Variants in MCM9 observed in about 807,000 individuals in gnomAD.
MCM9 encodes the protein DNA helicase MCM9.
In MCM9, 55 loss-of-function variants were observed where a neutral mutation model predicts 72.8. That is an observed-to-expected ratio of 0.76 (90% CI 0.61 to 0.95). The LOEUF (loss-of-function observed/expected upper bound fraction) is 0.95, where lower values mean the gene tolerates loss of function less well. MCM9 is among the 40% of genes least tolerant of loss of function. The probability of loss-of-function intolerance (pLI) is 0.00; values close to 1 mark genes in which losing one functional copy is unlikely to be tolerated. For missense variants in MCM9, 1,279 were observed against 1,377.0 expected, an observed-to-expected ratio of 0.93 and a Z score of 1.13; for synonymous variants, 480 against 503.4, an observed-to-expected ratio of 0.95 and a Z score of 0.62.
chr6:118,882,138 G>A (rs930583949), intron 8 of MCM9, among the ~76,000 whole-genome samples: 1 of 152,082 alleles, frequency 6.6e-6, no homozygotes, highest in Admixed American at 6.5e-5. Flanking sequence ...AAGAATCCTC[G>A]GCACCCCAAA....
At chr6:118,875,468 C>G (rs1777875266) in intron 8 of MCM9, among the ~76,000 whole-genome samples, 1 of 151,734 alleles carries the variant, frequency 6.6e-6, no homozygotes, top group South Asian at 2.1e-4. Flanking sequence ...GAGACCCTGT[C>G]TCTACAAAAT....
chr6:118,878,462 TTTTTC>T (rs1411173682), intron 8 of MCM9, among the ~76,000 whole-genome samples: 2 of 152,178 alleles, frequency 1.3e-5, no homozygotes, highest in Admixed American at 6.5e-5. Flanking sequence ...TTTGTAACTT[TTTTTC>T]TTTTATCTGA....
intron 8 of MCM9, among the ~76,000 whole-genome samples, chr6:118,857,433 A>G (rs1418244257): frequency 6.6e-6 from 1 of 152,154 alleles, no homozygotes; most frequent in East Asian, 1.9e-4. Flanking sequence ...CTGTTGAATT[A>G]TAGGCAAGTT....
At chr6:118,826,352 ACTCTAG>A (rs2114541918) in intron 12 of MCM9, 60 bp from the exon 13 acceptor site, 1 of 1,488,342 alleles carries the variant, frequency 6.7e-7, no homozygotes, top group East Asian at 2.5e-5. Flanking sequence ...CGGTAAGTAC[ACTCTAG>A]GGACCAGCAA....
intron 9 of MCM9, among the ~76,000 whole-genome samples, chr6:118,838,596 T>C (rs1012720927): frequency 2.5e-4 from 38 of 152,314 alleles, no homozygotes; most frequent in African/African-American, 9.1e-4. Flanking sequence ...GGCTTTTTTG[T>C]ATTTTTATTA....
At position 118,932,709 on chromosome 6, in the gene MCM9, C is replaced by G; in HGVS notation, c.-118G>C. The G allele has an allele frequency of 3.0e-6, 2 of 673,332 alleles. No homozygotes were observed. The highest frequency in any genetic ancestry group is 3.7e-6 in the Non-Finnish European group (2 of 544,988). 41.7% of individuals were successfully genotyped at this position (673,332 alleles called of 1,614,324 possible). On this transcript the variant is annotated 5_prime_UTR_variant, in exon 2 of 14. Coordinates refer to ENST00000619706, the MANE Select transcript of MCM9 (RefSeq NM_017696.3). ...TTGTTTCCTTCTTTCTCTTTCTTAC[C>G]GTAGGAAATCTACTGGGTTCTGCAG...
At chr6:118,922,690 G>C (rs1488773798) in intron 4 of MCM9, among the ~76,000 whole-genome samples, 1 of 152,204 alleles carries the variant, frequency 6.6e-6, no homozygotes, top group African/African-American at 2.4e-5. Flanking sequence ...TGGAGTTGTA[G>C]CCAGCATCCT....
intron 9 of MCM9, among the ~76,000 whole-genome samples, chr6:118,844,856 CT>C (rs1218029361): frequency 1.3e-5 from 2 of 151,810 alleles, no homozygotes; most frequent in Non-Finnish European, 2.9e-5. Flanking sequence ...GTTTTATCAC[CT>C]GTTCTTTAGT....
rs568462658 is a variant in MCM9, at chr6:118,833,747, G to C, written c.1326-4497C>G. Among the ~76,000 whole-genome samples, 13 of 152,240 alleles carry C rather than the reference G, an allele frequency of 8.5e-5. No homozygotes were observed. The East Asian group carries it at 2.5e-3, about 29-fold the overall frequency. On this transcript the variant is annotated intron_variant, in intron 9 of 13. Transcript: ENST00000619706. ...CTAGAGTAGTCAAATCCATAGAAAC[G>C]GAAAGTAGAATGGTGGTTGCTAGGG...
chr6:118,860,023 T>C (rs988538080), intron 8 of MCM9, among the ~76,000 whole-genome samples: 1 of 152,186 alleles, frequency 6.6e-6, no homozygotes, highest in Non-Finnish European at 1.5e-5. Flanking sequence ...ATCACTGCAA[T>C]ACTAAAGGCA....
chr6:118,917,792 T>C (rs745626273), intron 5 of MCM9, 31 bp from the exon 6 acceptor site: 2 of 1,575,268 alleles, frequency 1.3e-6, no homozygotes, highest in Non-Finnish European at 1.7e-6. Flanking sequence ...AGTCCAGCAG[T>C]AGCATCCTGC....
chr6:118,893,979 CGCCGCCGGCGGCCTCCGCGCG>C, intron 8 of MCM9: 1 of 982,848 alleles, frequency 1.0e-6, no homozygotes, highest in Non-Finnish European at 1.2e-6. Context: ...CTCTCCGCGC[CGCCGCCGGCGGCCTCCGCGCG>C]GGCCTCCCAG....
chr6:118,890,264 C>T (rs1778858181), intron 8 of MCM9, among the ~76,000 whole-genome samples: 1 of 152,120 alleles, frequency 6.6e-6, no homozygotes, highest in African/African-American at 2.4e-5. Context: ...TTTCTACATA[C>T]AAAGCCCACT....
rs762368389 is a variant in MCM9, at chr6:118,911,603, A to C, written c.1150+47T>G. ...TTTCATTAGAAAAAACCATTGTGTT[A>C]ACTTCTGAAGTAATGTTAAATTACT... On this transcript the variant is annotated intron_variant, in intron 8 of 13. Coordinates refer to ENST00000619706, the MANE Select transcript of MCM9 (RefSeq NM_017696.3). 5 of 1,563,818 alleles carry C rather than the reference A, an allele frequency of 3.2e-6. No homozygotes were observed. The Admixed American group carries it at 9.1e-5, about 28-fold the overall frequency.
chr6:118,835,330 T>C (rs1269427381), intron 9 of MCM9, among the ~76,000 whole-genome samples: 2 of 152,316 alleles, frequency 1.3e-5, no homozygotes, highest in South Asian at 2.1e-4. Flanking sequence ...CTTGTCTATA[T>C]GGGCTCTTTT....
intron 9 of MCM9, among the ~76,000 whole-genome samples, chr6:118,842,253 T>C (rs533965461): frequency 3.9e-5 from 6 of 152,352 alleles, no homozygotes; most frequent in African/African-American, 1.4e-4. Context: ...CTTCAACAAA[T>C]ATTGAGGATG....
intron 8 of MCM9, among the ~76,000 whole-genome samples, chr6:118,866,495 T>C (rs1777224793): frequency 6.6e-6 from 1 of 152,096 alleles, no homozygotes; most frequent in Non-Finnish European, 1.5e-5. Flanking sequence ...AGAGAAAGCA[T>C]AAAATTATCA....
intron 8 of MCM9, 151 bp from the exon 9 acceptor site, chr6:118,856,696 T>C (rs1372197380): frequency 3.9e-6 from 3 of 777,776 alleles, no homozygotes; most frequent in Admixed American, 2.9e-5. Flanking sequence ...CTGGACAACA[T>C]GGCAAAACCT....
chr6:118,859,874 C>T (rs1296401869), intron 8 of MCM9, among the ~76,000 whole-genome samples: 1 of 152,334 alleles, frequency 6.6e-6, no homozygotes, highest in East Asian at 1.9e-4. Flanking sequence ...CCCTTCCAGT[C>T]ATCTGGTACC....
Sources: gnomAD v4.1 joint callset for allele counts (sites outside exome capture counted in the v4.1 genomes callset) on GRCh38, gnomAD v4.1.1 for gene constraint, MANE v1.5 for transcripts, NCBI Gene and HGNC (gene_info 2026-07-23, HGNC 2026-07-21) for gene names.